TENM4: variants seen among roughly 807,000 people sequenced by gnomAD.
TENM4 encodes teneurin-4.
TENM4 carries 82 observed loss-of-function variants against 243.3 expected under a neutral mutation model. The observed-to-expected ratio is 0.34, with a 90% CI of 0.28 to 0.40. TENM4 has a LOEUF of 0.40. Ranked by LOEUF, TENM4 falls within the 10% of genes least tolerant of loss-of-function variation. The pLI, the probability that TENM4 is intolerant of heterozygous loss-of-function variation, is 1.00. For synonymous variants in TENM4, 1,412 were observed against 1,456.3 expected (o/e 0.97, Z 0.69); for missense variants, 3,138 against 3,673.3 (o/e 0.85, Z 3.77).
At chr11:78,778,064 G>GATC (rs1267489496) in intron 17 of TENM4, among the ~76,000 whole-genome samples, 1 of 152,186 alleles carries the variant, frequency 6.6e-6, no homozygotes, top group Non-Finnish European at 1.5e-5. Flanking sequence ...TGAGGTCAGG[G>GATC]ATCTGTTTGT....
intron 1 of TENM4, among the ~76,000 whole-genome samples, chr11:79,403,573 C>T (rs1858505007): frequency 6.6e-6 from 1 of 152,136 alleles, no homozygotes; most frequent in Non-Finnish European, 1.5e-5. Context: ...ATGAAAAACA[C>T]AAAACTAAAT....
At chr11:78,677,712 T>A (rs1195723140) in intron 29 of TENM4, among the ~76,000 whole-genome samples, 1 of 151,702 alleles carries the variant, frequency 6.6e-6, no homozygotes, top group African/African-American at 2.4e-5. Context: ...CATATGACAA[T>A]GATTTAAATA....
At chr11:78,830,324 T>C (rs1158391669) in intron 12 of TENM4, among the ~76,000 whole-genome samples, 1 of 152,122 alleles carries the variant, frequency 6.6e-6, no homozygotes, top group Non-Finnish European at 1.5e-5. Flanking sequence ...CTGGGCCTGA[T>C]CCATCAGTAC....
At chr11:78,665,171 CTTTCT>C (rs983914566) in intron 32 of TENM4, among the ~76,000 whole-genome samples, 115 of 151,568 alleles carry the variant, frequency 7.6e-4, no homozygotes, top group African/African-American at 2.6e-3. Flanking sequence ...CTTTCTTTCT[CTTTCT>C]TTTCTTTTCT....
chr11:78,757,476 C>T (rs192002594), intron 18 of TENM4, among the ~76,000 whole-genome samples: 14 of 152,178 alleles, frequency 9.2e-5, no homozygotes, highest in African/African-American at 1.4e-4. Context: ...TGGGAATCAC[C>T]GAAGGCTTTT....
chr11:79,147,787 G>A (rs1353382179), intron 4 of TENM4, among the ~76,000 whole-genome samples: 1 of 152,086 alleles, frequency 6.6e-6, no homozygotes, highest in Non-Finnish European at 1.5e-5. Context: ...TGAGGAAACA[G>A]ATGATCAGAG....
intron 1 of TENM4, among the ~76,000 whole-genome samples, chr11:79,330,587 C>A (rs1234965001): frequency 6.6e-6 from 1 of 152,140 alleles, no homozygotes; most frequent in Non-Finnish European, 1.5e-5. Context: ...AACGGAATGG[C>A]CACATTAACA....
chr11:78,978,161 CATGGA>C lies in TENM4; in HGVS notation c.494-74643_494-74639del, dbSNP rs1348180434. Among the ~76,000 whole-genome samples the C allele has an allele frequency of 2.3e-3, 344 of 152,124 alleles. 4 individuals carry two copies. Among genetic ancestry groups the C allele is most frequent in the African/African-American group, 7.5e-3 (312 of 41,504 alleles). On this transcript the variant is annotated intron_variant, in intron 6 of 33. Coordinates refer to ENST00000278550, the MANE Select transcript of TENM4 (RefSeq NM_001098816.3). ...AAGTGGGGGTTGAACAATGAGAACACATGGACACAGGGAGGGGAAAAACATACACT... is the reference window on the plus strand; with the variant it reads ...AAGTGGGGGTTGAACAATGAGAACACCACAGGGAGGGGAAAAACATACACT...
chr11:79,037,217 G>A (rs1247556017), intron 6 of TENM4, among the ~76,000 whole-genome samples: 1 of 152,126 alleles, frequency 6.6e-6, no homozygotes, highest in East Asian at 1.9e-4. Flanking sequence ...CCTCAAATGT[G>A]GTCCCTTTAG....
chr11:78,712,926 G>T (rs1859434362), intron 25 of TENM4, among the ~76,000 whole-genome samples: 2 of 133,128 alleles, frequency 1.5e-5, no homozygotes, highest in Admixed American at 7.1e-5. Context: ...AAAACCCCTT[G>T]CAATTCTTGC....
chr11:78,673,167 A>G (rs979519433), intron 30 of TENM4, among the ~76,000 whole-genome samples: 1 of 149,042 alleles, frequency 6.7e-6, no homozygotes, highest in South Asian at 2.1e-4. Flanking sequence ...TTTCAGAGTC[A>G]GAAAGACAGG....
At chr11:78,904,232 C>T (rs1206386762) in intron 6 of TENM4, among the ~76,000 whole-genome samples, 1 of 151,506 alleles carries the variant, frequency 6.6e-6, no homozygotes, top group Admixed American at 6.6e-5. Context: ...TGGTGGCGGG[C>T]GCCTGTAGTC....
intron 1 of TENM4, among the ~76,000 whole-genome samples, chr11:79,352,516 G>A (rs1857430659): frequency 6.6e-6 from 1 of 152,244 alleles, no homozygotes; most frequent in Non-Finnish European, 1.5e-5. Context: ...AACAGAGAGA[G>A]CCACGGAGCA....
intron 1 of TENM4, among the ~76,000 whole-genome samples, chr11:79,299,500 T>C (rs367781460): frequency 8.5e-5 from 13 of 152,210 alleles, no homozygotes; most frequent in African/African-American, 3.1e-4. Flanking sequence ...TCCTCTTTTG[T>C]TACATTGTCC....
chr11:79,079,234 G>A (rs970350241), intron 4 of TENM4, among the ~76,000 whole-genome samples: 1 of 152,184 alleles, frequency 6.6e-6, no homozygotes, highest in Non-Finnish European at 1.5e-5. Flanking sequence ...GCTGTCTACA[G>A]AAGCCATCTT....
At chr11:79,126,632 T>C (rs1861883010) in intron 4 of TENM4, among the ~76,000 whole-genome samples, 2 of 152,184 alleles carry the variant, frequency 1.3e-5, no homozygotes, top group African/African-American at 4.8e-5. Flanking sequence ...ATGTAATTTA[T>C]ACAAGTAGAA....
At chr11:79,348,351 C>T (rs1042769073) in intron 1 of TENM4, among the ~76,000 whole-genome samples, 1 of 152,162 alleles carries the variant, frequency 6.6e-6, no homozygotes, top group African/African-American at 2.4e-5. Flanking sequence ...ACTTTTCCAA[C>T]ACAGCAGAAT....
At chr11:79,386,920 AC>A (rs1383752714) in intron 1 of TENM4, among the ~76,000 whole-genome samples, 3 of 152,152 alleles carry the variant, frequency 2.0e-5, no homozygotes, top group Non-Finnish European at 4.4e-5. Context: ...CCACCCCAAG[AC>A]CAAATTAGTA....
At chr11:79,264,447 G>A (rs780556978) in intron 2 of TENM4, among the ~76,000 whole-genome samples, 1 of 152,194 alleles carries the variant, frequency 6.6e-6, no homozygotes, top group Non-Finnish European at 1.5e-5. Flanking sequence ...AAACCGACAA[G>A]GGCTTTGTTC....
Sources: gnomAD v4.1 joint callset for allele counts (sites outside exome capture counted in the v4.1 genomes callset) on GRCh38, gnomAD v4.1.1 for gene constraint, MANE v1.5 for transcripts, NCBI Gene and HGNC (gene_info 2026-07-23, HGNC 2026-07-21) for gene names.